Variants in SRPK2 observed in about 807,000 individuals in gnomAD.
The protein encoded by SRPK2 is SFRS protein kinase 2.
Under a neutral mutation model 90.8 loss-of-function variants are expected in SRPK2, and 21 were observed. The ratio of observed to expected loss-of-function variants is 0.23; its 90% CI spans 0.16 to 0.33. The LOEUF is 0.33. SRPK2 is among the 10% of genes least tolerant of loss of function. SRPK2 has a pLI of 1.00. For missense variants in SRPK2, 620 were observed against 869.0 expected, an observed-to-expected ratio of 0.71 and a Z score of 3.60; for synonymous variants, 288 against 311.1, an observed-to-expected ratio of 0.93 and a Z score of 0.78.
rs553014716 is a variant in SRPK2, at chr7:105,157,726, T to C, written c.621+2781A>G. On this transcript the variant is annotated intron_variant, in intron 7 of 15. Coordinates refer to ENST00000393651, the MANE Select transcript of SRPK2 (RefSeq NM_182692.3). ...ATTTCTCTGAACTAAAGAAATAATA[T>C]AAGAGCTCTTTCTAAGTTTCCACCA... is the stretch of plus-strand genomic sequence containing the variant. 1.3e-4 allele frequency among the ~76,000 whole-genome samples: 20 copies of C among 152,154 alleles called. No individual in the cohort carries two copies. In the East Asian group the frequency reaches 2.7e-3, roughly 21 times the overall value.
At chr7:105,278,518 CA>C (rs745938997) in intron 2 of SRPK2, among the ~76,000 whole-genome samples, 52,111 of 95,358 alleles carry the variant, frequency 0.55, 11,269 homozygotes, top group Middle Eastern at 0.61. Flanking sequence ...AATAAAAATA[CA>C]AAAAAAAAAA....
At chr7:105,286,406 T>C (rs1343921507) in intron 2 of SRPK2, among the ~76,000 whole-genome samples, 1 of 152,214 alleles carries the variant, frequency 6.6e-6, no homozygotes, top group East Asian at 1.9e-4. Context: ...TAAAAGTCAT[T>C]AACATATTAA....
chr7:105,342,900 G>T (rs1313599111), intron 2 of SRPK2, among the ~76,000 whole-genome samples: 1 of 152,148 alleles, frequency 6.6e-6, no homozygotes, highest in East Asian at 1.9e-4. Flanking sequence ...GCCAAAAAGA[G>T]GCAAAGGAAT....
At position 105,378,599 on chromosome 7, in the gene SRPK2, C is replaced by CA. The variant is rs1820578841; in HGVS notation, c.71+10048_71+10049insT. 3.9e-5 allele frequency among the ~76,000 whole-genome samples: 6 copies of CA among 152,018 alleles called. No homozygotes were observed. In the South Asian group the frequency reaches 8.3e-4, roughly 21 times the overall value. On this transcript the variant is annotated intron_variant, in intron 2 of 15. Coordinates refer to ENST00000393651, the MANE Select transcript of SRPK2 (RefSeq NM_182692.3). ...CCAACATGGTGAAACCCCATCTCTA[C>CA]CAAAAATACAAAAATTAGCTGGGCA...
At chr7:105,217,848 C>T (rs1470635809) in intron 2 of SRPK2, among the ~76,000 whole-genome samples, 1 of 152,178 alleles carries the variant, frequency 6.6e-6, no homozygotes, top group Non-Finnish European at 1.5e-5. Flanking sequence ...GATAACATTA[C>T]TTCTTTAATT....
At chr7:105,297,478 A>G in intron 2 of SRPK2, 1 of 985,430 alleles carries the variant, frequency 1.0e-6, no homozygotes, top group African/African-American at 1.7e-5. Context: ...TATGGTGGCC[A>G]TCTGGCCCCT....
intron 2 of SRPK2, among the ~76,000 whole-genome samples, chr7:105,224,793 T>G (rs1172459970): frequency 1.3e-5 from 2 of 152,186 alleles, no homozygotes; most frequent in Non-Finnish European, 1.5e-5. Context: ...ATTCCTATTT[T>G]CTTTCATGAA....
intron 2 of SRPK2, among the ~76,000 whole-genome samples, chr7:105,257,573 C>T (rs1210448027): frequency 6.6e-6 from 1 of 152,190 alleles, no homozygotes; most frequent in African/African-American, 2.4e-5. Context: ...GGTGCTAACA[C>T]ATATTTATGT....
intron 2 of SRPK2, among the ~76,000 whole-genome samples, chr7:105,347,087 T>C (rs1228162286): frequency 2.0e-5 from 3 of 151,796 alleles, no homozygotes; most frequent in Middle Eastern, 3.4e-3. Flanking sequence ...AGATTAAGGT[T>C]TCATTCTGTC....
chr7:105,268,662 C>T, intron 2 of SRPK2: 1 of 884,614 alleles, frequency 1.1e-6, no homozygotes, highest in Non-Finnish European at 1.6e-6. Context: ...CAGCTTGCCC[C>T]AATACACATC....
chr7:105,358,971 G>A (rs1300511103), intron 2 of SRPK2, among the ~76,000 whole-genome samples: 2 of 151,580 alleles, frequency 1.3e-5, no homozygotes, highest in Non-Finnish European at 2.9e-5. Context: ...AGGTGGAGGT[G>A]CCTCTTTTCA....
intron 2 of SRPK2, among the ~76,000 whole-genome samples, chr7:105,265,078 T>TC (rs1390386587): frequency 6.6e-6 from 1 of 152,162 alleles, no homozygotes; most frequent in Non-Finnish European, 1.5e-5. Context: ...TAAACAGTTC[T>TC]CCCAATAACC....
At chr7:105,170,827 GAA>G (rs550661254) in intron 3 of SRPK2, among the ~76,000 whole-genome samples, 2 of 103,148 alleles carry the variant, frequency 1.9e-5, no homozygotes, top group Admixed American at 1.0e-4. Flanking sequence ...GAGAGAAAGA[GAA>G]AGAAAGGAAG....
intron 2 of SRPK2, among the ~76,000 whole-genome samples, chr7:105,338,419 G>T (rs1815368480): frequency 6.6e-6 from 1 of 152,046 alleles, no homozygotes; most frequent in African/African-American, 2.4e-5. Flanking sequence ...TGATTTTTTT[G>T]TAATTTTAGT....
chr7:105,372,136 T>TAAAAAAA (rs55928342), intron 2 of SRPK2, among the ~76,000 whole-genome samples: 1 of 76,772 alleles, frequency 1.3e-5, no homozygotes, highest in East Asian at 5.6e-4. Flanking sequence ...CTCCAACTCA[T>TAAAAAAA]AAAAAAAAAA....
chr7:105,329,338 G>C (rs1168582821), intron 2 of SRPK2, among the ~76,000 whole-genome samples: 2 of 152,028 alleles, frequency 1.3e-5, no homozygotes, highest in African/African-American at 4.8e-5. Context: ...GAGAAGAGTG[G>C]GTATTAAAAG....
intron 2 of SRPK2, among the ~76,000 whole-genome samples, chr7:105,272,565 G>A (rs1217475303): frequency 6.6e-6 from 1 of 151,916 alleles, no homozygotes; most frequent in African/African-American, 2.4e-5. Flanking sequence ...TACTTTGCAA[G>A]ACCGTTATCT....
intron 2 of SRPK2, among the ~76,000 whole-genome samples, chr7:105,386,687 A>C (rs1481916700): frequency 6.6e-6 from 1 of 152,258 alleles, no homozygotes; most frequent in Non-Finnish European, 1.5e-5. Context: ...ATTGCACTCC[A>C]GCCTGAGCGA....
chr7:105,357,138 G>C (rs1020371374), intron 2 of SRPK2, among the ~76,000 whole-genome samples: 1 of 151,634 alleles, frequency 6.6e-6, no homozygotes, highest in African/African-American at 2.4e-5. Context: ...CCAGGTTCAT[G>C]CCATTCTCCT....
Sources: allele counts gnomAD v4.1 joint callset (sites outside exome capture counted in the v4.1 genomes callset), GRCh38; gene constraint gnomAD v4.1.1; transcripts MANE v1.5; gene names NCBI Gene and HGNC (gene_info 2026-07-23, HGNC 2026-07-21).